SEM1: variants seen among roughly 807,000 people sequenced by gnomAD.
The protein encoded by SEM1 is 26S proteasome complex subunit SEM1.
A neutral mutation model predicts 12.7 loss-of-function variants in SEM1; 3 were observed. The observed-to-expected ratio is 0.24, with a 90% CI of 0.11 to 0.61. The LOEUF (loss-of-function observed/expected upper bound fraction) is 0.61. Among genes scored for constraint, SEM1 ranks in the 20% least tolerant of loss-of-function variants. The probability of loss-of-function intolerance (pLI) is 0.88; values close to 1 mark genes in which losing one functional copy is unlikely to be tolerated. For synonymous variants in SEM1, 30 were observed against 27.8 expected, an observed-to-expected ratio of 1.08 and a Z score of -0.25; for missense variants, 59 against 81.3, an observed-to-expected ratio of 0.73 and a Z score of 1.06.
At chr7:96,528,606 A>G (rs527321691) in intron 2 of SEM1, among the ~76,000 whole-genome samples, 1 of 152,286 alleles carries the variant, frequency 6.6e-6, no homozygotes, top group East Asian at 1.9e-4. Flanking sequence ...AATTTGTGCA[A>G]GACACTTTCT....
chr7:96,629,183 T>G (rs1332307203), intron 2 of SEM1, among the ~76,000 whole-genome samples: 1 of 152,168 alleles, frequency 6.6e-6, no homozygotes, highest in African/African-American at 2.4e-5. Context: ...GGTATCTTTC[T>G]CTAGGTTTGG....
intron 2 of SEM1, among the ~76,000 whole-genome samples, chr7:96,594,282 GAC>G (rs1806926626): frequency 1.3e-5 from 2 of 152,066 alleles, no homozygotes; most frequent in South Asian, 4.1e-4. Context: ...CTGAAAAGTG[GAC>G]AGTTTCCAAG....
chr7:96,643,597 C>T (rs759415615), intron 2 of SEM1, among the ~76,000 whole-genome samples: 7 of 152,070 alleles, frequency 4.6e-5, no homozygotes, highest in Non-Finnish European at 7.3e-5. Context: ...AAATGTGACA[C>T]ATATACACCA....
chr7:96,645,845 T>A (rs940622), intron 2 of SEM1: 181 of 398,470 alleles, frequency 4.5e-4, no homozygotes, highest in African/African-American at 3.3e-3. Context: ...TCGTGTGAGT[T>A]AATGAAGGCC....
chr7:96,695,009 T>G, intron 1 of SEM1, 118 bp from the exon 2 acceptor site: 1 of 646,434 alleles, frequency 1.5e-6, no homozygotes, highest in Admixed American at 2.7e-5. Flanking sequence ...AAACCATATC[T>G]ATGAAAAATG....
intron 1 of SEM1, among the ~76,000 whole-genome samples, chr7:96,495,441 T>G (rs1278675058): frequency 2.6e-5 from 4 of 152,156 alleles, no homozygotes; most frequent in Non-Finnish European, 4.4e-5. Context: ...ACATTAACAA[T>G]GTATTTTGAG....
intron 3 of SEM1, among the ~76,000 whole-genome samples, chr7:96,504,277 T>C (rs73390905): frequency 0.041 from 6,164 of 152,150 alleles, 243 homozygotes; most frequent in African/African-American, 0.096. Flanking sequence ...ACCCCTTTTC[T>C]TACAGAATCT....
chr7:96,650,308 A>G (rs1186217825), intron 2 of SEM1: 6 of 495,256 alleles, frequency 1.2e-5, no homozygotes, highest in Non-Finnish European at 2.1e-5. Flanking sequence ...CCTCTCCTTC[A>G]GCTAGATGTC....
At chr7:96,508,750 A>G (rs755206198) in intron 2 of SEM1, among the ~76,000 whole-genome samples, 4 of 152,150 alleles carry the variant, frequency 2.6e-5, no homozygotes, top group Non-Finnish European at 4.4e-5. Context: ...GAATGTGGTC[A>G]AAGAAAATCA....
At chr7:96,571,730 A>T (rs961007080) in intron 2 of SEM1, among the ~76,000 whole-genome samples, 5 of 151,972 alleles carry the variant, frequency 3.3e-5, no homozygotes, top group African/African-American at 1.2e-4. Context: ...ATCAATGTTC[A>T]TCAGGTATAT....
chr7:96,597,680 T>C (rs1309332257), intron 2 of SEM1, among the ~76,000 whole-genome samples: 1 of 147,224 alleles, frequency 6.8e-6, no homozygotes, highest in Non-Finnish European at 1.5e-5. Context: ...ATATATGATA[T>C]ATATATATAT....
chr7:96,518,614 T>C (rs1423197696), intron 2 of SEM1, among the ~76,000 whole-genome samples: 1 of 152,120 alleles, frequency 6.6e-6, no homozygotes, highest in East Asian at 1.9e-4. Flanking sequence ...TTTATATTCA[T>C]CACGCAGCCC....
At chr7:96,666,808 T>C (rs1789184444) in intron 2 of SEM1, among the ~76,000 whole-genome samples, 1 of 152,024 alleles carries the variant, frequency 6.6e-6, no homozygotes, top group African/African-American at 2.4e-5. Context: ...TAGATGTTCT[T>C]GATGCAAGGC....
exon 4 of SEM1, chr7:96,483,555 C>T: frequency 2.7e-6 from 1 of 376,504 alleles, no homozygotes; most frequent in Admixed American, 4.0e-5. Flanking sequence ...CAGCTACAGA[C>T]TCTACTGGGC....
intron 2 of SEM1, chr7:96,622,735 T>C (rs1021488263): frequency 4.3e-6 from 3 of 701,964 alleles, no homozygotes; most frequent in East Asian, 2.6e-5. Flanking sequence ...GGAAAAGCCA[T>C]GTAGATCATA....
intron 2 of SEM1, among the ~76,000 whole-genome samples, chr7:96,674,914 G>A (rs1789413105): frequency 6.6e-6 from 1 of 152,148 alleles, no homozygotes; most frequent in Non-Finnish European, 1.5e-5. Context: ...GGAAAGCTGT[G>A]CACAAGCACG....
At chr7:96,684,742 C>T (rs1171854233), downstream of SEM1, among the ~76,000 whole-genome samples, 1 of 152,060 alleles carries the variant, frequency 6.6e-6, no homozygotes, top group Non-Finnish European at 1.5e-5. Context: ...CTCTTCTCAT[C>T]AAGTTAATTT....
rs78299283 is a variant in SEM1, at chr7:96,509,805, T to C, written c.171-3107A>G. On this transcript the variant is annotated intron_variant and NMD_transcript_variant, in intron 2 of 3. Transcript: ENST00000466986. ...AATAAGTCATACGCAAAAGGACAAA[T>C]ATTGTATGATTCCATTTAAATGAGG... Among the ~76,000 whole-genome samples, 1,338 of 152,126 alleles carry C rather than the reference T, an allele frequency of 8.8e-3. 10 individuals are homozygous for C. Among genetic ancestry groups the C allele is most frequent in the Middle Eastern group, 0.034 (10 of 294 alleles).
chr7:96,586,295 A>G (rs922193235), intron 2 of SEM1, among the ~76,000 whole-genome samples: 7 of 152,186 alleles, frequency 4.6e-5, no homozygotes, highest in African/African-American at 1.4e-4. Context: ...AGTGGTAGGA[A>G]GGATTCTTCC....
Sources: gnomAD v4.1 joint callset for allele counts (sites outside exome capture counted in the v4.1 genomes callset) on GRCh38, gnomAD v4.1.1 for gene constraint, MANE v1.5 for transcripts, NCBI Gene and HGNC (gene_info 2026-07-23, HGNC 2026-07-21) for gene names.